The following GSDME variants were observed in gnomAD, a reference collection of about 807,000 sequenced individuals.
The protein encoded by GSDME is gasdermin E.
A neutral mutation model predicts 47.5 loss-of-function variants in GSDME; 44 were observed. The observed-to-expected ratio is 0.93, with a 90% CI of 0.73 to 1.19. GSDME has a LOEUF of 1.19. GSDME is among the 50% of genes most tolerant of loss of function. The pLI is 0.00. For synonymous variants in GSDME, 258 were observed against 252.8 expected (o/e 1.02, Z -0.20); for missense variants, 663 against 604.2 (o/e 1.10, Z -1.02).
rs1791015050 is a variant in GSDME, at chr7:24,756,297, G to A, written c.-20+1099C>T. ...GATCCCTTGAGCCCAGGAATTCAAGGCTGCAGTGAGCTAGGATAGTGCCAC... is the reference window on the plus strand; with the variant it reads ...GATCCCTTGAGCCCAGGAATTCAAGACTGCAGTGAGCTAGGATAGTGCCAC... On this transcript the variant is annotated intron_variant, in intron 1 of 9. Coordinates refer to ENST00000645220, the MANE Select transcript of GSDME (RefSeq NM_001127453.2). The surrounding 1 kb of genome is among the most constrained non-coding windows in gnomAD (Gnocchi z 4.2). Among the ~76,000 whole-genome samples the A allele has an allele frequency of 6.6e-6, 1 of 152,130 alleles. No homozygotes were observed. Among genetic ancestry groups the A allele is most frequent in the African/African-American group, 2.4e-5 (1 of 41,408 alleles).
At chr7:24,747,590 A>G (rs942611183) in intron 2 of GSDME, among the ~76,000 whole-genome samples, 6 of 152,238 alleles carry the variant, frequency 3.9e-5, no homozygotes, top group African/African-American at 1.4e-4. Context: ...ATTCTCTAAG[A>G]ATTTACGCTA....
chr7:24,701,196 C>G (rs964025611), intron 9 of GSDME, among the ~76,000 whole-genome samples: 1 of 152,198 alleles, frequency 6.6e-6, no homozygotes, highest in Non-Finnish European at 1.5e-5. Flanking sequence ...AGGAGGCAGA[C>G]ACCTCGATGT....
At chr7:24,723,523 T>C (rs1789866293) in intron 3 of GSDME, among the ~76,000 whole-genome samples, 1 of 152,208 alleles carries the variant, frequency 6.6e-6, no homozygotes, top group Non-Finnish European at 1.5e-5. Flanking sequence ...ATTATAAGCA[T>C]TTAAAGAGGC....
Position 24,744,815 on chromosome 7 carries a change from G to A in GSDME, c.212-61C>T. The A allele has an allele frequency of 3.2e-6, 5 of 1,573,250 alleles. No individual in the cohort carries two copies. Among genetic ancestry groups the A allele is most frequent in the Non-Finnish European group, 3.5e-6 (4 of 1,148,668 alleles). On this transcript the variant is annotated intron_variant, in intron 2 of 9. Coordinates refer to ENST00000645220, the MANE Select transcript of GSDME (RefSeq NM_001127453.2). This position sits in a 1 kb window ranked among gnomAD's most constrained non-coding sequence, Gnocchi z 4.5. ...TGATAAGGCCACCAAGATGTCTTGG[G>A]TCATTTAGCTTTCCAAGCCTGTGCA...
chr7:24,717,595 A>C (rs915321467), intron 4 of GSDME, among the ~76,000 whole-genome samples: 2 of 152,206 alleles, frequency 1.3e-5, no homozygotes, highest in African/African-American at 4.8e-5. Flanking sequence ...TGGTGGCATC[A>C]AAGCGAGATT....
Position 24,698,573 on chromosome 7 carries a change from C to T in GSDME, c.*453G>A. Reference sequence around the variant, plus strand: ...GGAGCATTTACAGTTCATTTTCAGTCATCAAATAACATACATCACTTCCAA... The same window carrying T: ...GGAGCATTTACAGTTCATTTTCAGTTATCAAATAACATACATCACTTCCAA... On this transcript the variant is annotated 3_prime_UTR_variant, in exon 10 of 10. Transcript: ENST00000645220. The T allele has an allele frequency of 4.2e-6, 1 of 239,262 alleles. No individual in the cohort carries two copies. Among genetic ancestry groups the T allele is most frequent in the South Asian group, 6.0e-5 (1 of 16,616 alleles). 14.8% of individuals were successfully genotyped at this position (239,262 alleles called of 1,614,324 possible).
chr7:24,789,370 G>A, the GSDME span, among the ~76,000 whole-genome samples: 10 of 151,430 alleles, frequency 6.6e-5, no homozygotes, highest in East Asian at 1.9e-4. Flanking sequence ...TGGGAGCATC[G>A]GCAGACTTAT....
the GSDME span, among the ~76,000 whole-genome samples, chr7:24,779,232 G>A: frequency 6.6e-6 from 1 of 152,242 alleles, no homozygotes; most frequent in Admixed American, 6.5e-5. The surrounding 1 kb of genome is among the most constrained non-coding windows in gnomAD (Gnocchi z 6.0). Context: ...GAAGCTATGA[G>A]TAGAAGCCAT....
At position 24,744,713 on chromosome 7, in the gene GSDME, C is replaced by T; in HGVS notation, c.253G>A (p.Ala85Thr). 6.2e-7 allele frequency: 1 copy of T among 1,614,146 alleles called. No individual in the cohort carries two copies. Among genetic ancestry groups the T allele is most frequent in the Non-Finnish European group, 8.5e-7 (1 of 1,180,044 alleles). ...TCCAGGGTTCCACTCACGTGGTTTG[C>T]AAACTTGCCCTCGTATTTCACAAAG... is the stretch of plus-strand genomic sequence containing the variant. ...SDFVKYEGKF[A>T]NHVSGTLETA... The change falls in exon 3 of 10, where the codon GCA becomes ACA. Residue 85 changes from alanine to threonine, a missense_variant. Physicochemically the swap from Ala to Thr is moderately conservative, Grantham distance 58 (BLOSUM62 0). Transcript: ENST00000645220. The surrounding 1 kb of genome is among the most constrained non-coding windows in gnomAD (Gnocchi z 4.5).
In GSDME at chr7:24,744,433, C is replaced by G. The variant is rs1790582818; in HGVS notation, c.404+129G>C. 4.8e-6 allele frequency: 5 copies of G among 1,044,784 alleles called. No individual in the cohort carries two copies. The highest frequency in any genetic ancestry group is 2.6e-5 in the South Asian group (2 of 77,258). 64.7% of individuals were successfully genotyped at this position (1,044,784 alleles called of 1,614,324 possible). A position where few individuals can be genotyped will look rare whatever the true frequency, so the allele number is the denominator to read the frequency against. On this transcript the variant is annotated intron_variant, in intron 3 of 9. Coordinates refer to ENST00000645220, the MANE Select transcript of GSDME (RefSeq NM_001127453.2). This position sits in a 1 kb window ranked among gnomAD's most constrained non-coding sequence, Gnocchi z 4.5. ...ATGTGCTCCTCATGAAATTTCAACACAAGCGCATTCAATACATGTTTATTG... is the reference window on the plus strand; with the variant it reads ...ATGTGCTCCTCATGAAATTTCAACAGAAGCGCATTCAATACATGTTTATTG...
chr7:24,707,572 C>A, intron 7 of GSDME: 1 of 373,208 alleles, frequency 2.7e-6, no homozygotes, highest in Non-Finnish European at 5.4e-6. Context: ...AGAACGTGAC[C>A]TTAGTCTTTG....
the GSDME span, among the ~76,000 whole-genome samples, chr7:24,786,480 G>A: frequency 6.6e-6 from 1 of 152,194 alleles, no homozygotes; most frequent in African/African-American, 2.4e-5. The surrounding 1 kb of genome is among the most constrained non-coding windows in gnomAD (Gnocchi z 5.5). Context: ...CTTAGTGAAT[G>A]CTTCTGACAA....
At chr7:24,785,330 T>C in the GSDME span, among the ~76,000 whole-genome samples, 1 of 152,368 alleles carries the variant, frequency 6.6e-6, no homozygotes, top group Middle Eastern at 3.4e-3. Context: ...ATTTATTTTA[T>C]AATGTGCTAA....
intron 1 of GSDME, among the ~76,000 whole-genome samples, chr7:24,751,117 G>A (rs1790844628): frequency 6.6e-6 from 1 of 152,180 alleles, no homozygotes; most frequent in Non-Finnish European, 1.5e-5. Context: ...ATATTTATGA[G>A]AGGGAACAAA....
chr7:24,753,720 A>G (rs957072235), intron 1 of GSDME, among the ~76,000 whole-genome samples: 7 of 152,240 alleles, frequency 4.6e-5, no homozygotes, highest in Admixed American at 4.6e-4. Flanking sequence ...TTATTTTAAA[A>G]CAAATAAAAT....
rs1790056849 is a variant in GSDME, at chr7:24,728,972, C to T, written c.405-9754G>A. Among the ~76,000 whole-genome samples the T allele has an allele frequency of 6.6e-6, 1 of 152,160 alleles. No individual in the cohort carries two copies. Among genetic ancestry groups the T allele is most frequent in the South Asian group, 2.1e-4 (1 of 4,822 alleles). ...CAGAATGCTCACTGCACATTGTTGC[C>T]AAAGTGACCAAGTCACCCGCAGACT... On this transcript the variant is annotated intron_variant, in intron 3 of 9. Transcript: ENST00000645220. This position sits in a 1 kb window ranked among gnomAD's most constrained non-coding sequence, Gnocchi z 7.2.
rs17149958 is a variant in GSDME, at chr7:24,712,228, C to T, written c.698-1840G>A. Reference sequence around the variant, plus strand: ...GCTGACCCTACTCCTCCACACTTTGCGCTTAGCCACAGGGGTGCAGGAGTG... The same window carrying T: ...GCTGACCCTACTCCTCCACACTTTGTGCTTAGCCACAGGGGTGCAGGAGTG... On this transcript the variant is annotated intron_variant, in intron 5 of 9. Coordinates refer to ENST00000645220, the MANE Select transcript of GSDME (RefSeq NM_001127453.2). This position sits in a 1 kb window ranked among gnomAD's most constrained non-coding sequence, Gnocchi z 4.4. Among the ~76,000 whole-genome samples, 8,843 of 152,306 alleles carry T rather than the reference C, an allele frequency of 0.058. 605 individuals carry two copies. Among genetic ancestry groups the T allele is most frequent in the East Asian group, 0.33 (1,719 of 5,180 alleles).
At position 24,725,363 on chromosome 7, in the gene GSDME, TG is replaced by T. The variant is rs1789930934; in HGVS notation, c.405-6146del. On this transcript the variant is annotated intron_variant, in intron 3 of 9. Coordinates refer to ENST00000645220, the MANE Select transcript of GSDME (RefSeq NM_001127453.2). The surrounding 1 kb of genome is among the most constrained non-coding windows in gnomAD (Gnocchi z 5.1). ...GGCAAGTCAAGACCCCTTTCCAGGG[TG>T]GTCAAAGAAATGGCCAGAATTTTCA... is the stretch of plus-strand genomic sequence containing the variant. Among the ~76,000 whole-genome samples, 1 of 151,976 alleles carries T rather than the reference TG, an allele frequency of 6.6e-6. No homozygotes were observed. Among genetic ancestry groups the T allele is most frequent in the South Asian group, 2.1e-4 (1 of 4,816 alleles).
Position 24,744,923 on chromosome 7 carries a change from CGTGTGTGT to C in GSDME, c.212-177_212-170del, listed in dbSNP as rs3038356. ...GTGTGGGCAAGAAAACAGGGCAGCA[CGTGTGTGT>C]GTGTGTGTGTGTGTGTGTGTGGACC... On this transcript the variant is annotated intron_variant, in intron 2 of 9. Coordinates refer to ENST00000645220, the MANE Select transcript of GSDME (RefSeq NM_001127453.2). The surrounding 1 kb of genome is among the most constrained non-coding windows in gnomAD (Gnocchi z 4.5). 3.5e-4 allele frequency among the ~76,000 whole-genome samples: 49 copies of C among 140,206 alleles called. 1 individual carries two copies. The highest frequency in any genetic ancestry group is 1.2e-3 in the African/African-American group (43 of 37,162). 92.0% of individuals were successfully genotyped at this position (140,206 alleles called of 152,430 possible).
Sources: allele counts gnomAD v4.1 joint callset (sites outside exome capture counted in the v4.1 genomes callset), GRCh38; gene constraint gnomAD v4.1.1; non-coding constraint Gnocchi (gnomAD v3.1); transcripts MANE v1.5; gene names NCBI Gene and HGNC (gene_info 2026-07-23, HGNC 2026-07-21).